Variants in MRTFB observed in about 807,000 individuals in gnomAD.
MRTFB encodes myocardin-related transcription factor B.
In MRTFB, 29 loss-of-function variants were observed where a neutral mutation model predicts 104.2. The ratio of observed to expected loss-of-function variants is 0.28; its 90% confidence interval spans 0.21 to 0.38. The LOEUF (loss-of-function observed/expected upper bound fraction) is 0.38, where lower values mean the gene tolerates loss of function less well. MRTFB is among the 10% of genes least tolerant of loss of function. MRTFB has a pLI of 1.00. For missense variants in MRTFB, 1,270 were observed against 1,341.6 expected, an observed-to-expected ratio of 0.95 and a Z score of 0.83; for synonymous variants, 535 against 519.5, an observed-to-expected ratio of 1.03 and a Z score of -0.41.
intron 3 of MRTFB, among the ~76,000 whole-genome samples, chr16:14,157,019 A>T (rs1597103034): frequency 6.6e-6 from 1 of 152,226 alleles, no homozygotes; most frequent in Admixed American, 6.5e-5. Flanking sequence ...AATGAAATAT[A>T]TCAAATTATT....
intron 2 of MRTFB, among the ~76,000 whole-genome samples, chr16:14,129,140 G>A (rs1192742980): frequency 6.6e-6 from 1 of 152,216 alleles, no homozygotes; most frequent in African/African-American, 2.4e-5. Flanking sequence ...ATGTGCCATA[G>A]TTGTTTATTC....
intron 2 of MRTFB, among the ~76,000 whole-genome samples, chr16:14,105,485 A>G (rs1341358574): frequency 2.0e-5 from 3 of 151,606 alleles, no homozygotes; most frequent in African/African-American, 4.9e-5. Context: ...GCAGCCTTAA[A>G]CTCCTGTGCT....
At chr16:14,108,898 A>G (rs1035983924) in intron 2 of MRTFB, among the ~76,000 whole-genome samples, 8 of 152,214 alleles carry the variant, frequency 5.3e-5, no homozygotes, top group East Asian at 3.8e-4. Flanking sequence ...TTTTAAGGCC[A>G]GAAGTGTTAA....
chr16:14,000,066 T>A, the MRTFB span, among the ~76,000 whole-genome samples: 1 of 152,134 alleles, frequency 6.6e-6, no homozygotes, highest in Admixed American at 6.5e-5. Flanking sequence ...GGTGCCTGTT[T>A]CCAGGCTGCG....
At chr16:14,010,612 G>A in the MRTFB span, among the ~76,000 whole-genome samples, 1 of 151,744 alleles carries the variant, frequency 6.6e-6, no homozygotes, top group South Asian at 2.1e-4. Flanking sequence ...TTTTTATACA[G>A]ATGAGGTCTC....
chr16:14,239,390 C>A (rs1026954751), intron 9 of MRTFB, among the ~76,000 whole-genome samples: 4 of 152,200 alleles, frequency 2.6e-5, no homozygotes, highest in African/African-American at 7.2e-5. Context: ...TGTCCTAATT[C>A]TTTGGATATG....
intron 2 of MRTFB, among the ~76,000 whole-genome samples, chr16:14,114,976 A>C (rs2036466179): frequency 6.6e-6 from 1 of 152,196 alleles, no homozygotes; most frequent in Non-Finnish European, 1.5e-5. Flanking sequence ...TGAAAGGATG[A>C]ATGAATGAGA....
At chr16:14,018,411 C>T in the MRTFB span, among the ~76,000 whole-genome samples, 43 of 152,164 alleles carry the variant, frequency 2.8e-4, no homozygotes, top group African/African-American at 9.4e-4. Context: ...TCATCACCAA[C>T]CTCTTTATGA....
chr16:14,029,169 C>T, the MRTFB span, among the ~76,000 whole-genome samples: 14 of 151,570 alleles, frequency 9.2e-5, no homozygotes, highest in African/African-American at 1.2e-4. Context: ...GGTGTGGTGG[C>T]GCACACCTGT....
rs750881308 is a variant in MRTFB at position 14,243,864 on chromosome 16, G to GTTTGTTTTTTTGTTTTTTTT, written c.1080-1661_1080-1660insGTTTTTTTGTTTTTTTTTTT. On this transcript the variant is annotated intron_variant, in intron 10 of 16. Coordinates refer to ENST00000571589, the MANE Select transcript of MRTFB (RefSeq NM_001308142.2). Reference sequence around the variant, plus strand: ...CAGAGATTAGTTTTGCCTGTTTTGGGTTTTTTTTTTTTTGAGACAGAGTCT... The same window carrying GTTTGTTTTTTTGTTTTTTTT: ...CAGAGATTAGTTTTGCCTGTTTTGGGTTTGTTTTTTTGTTTTTTTTTTTTTTTTTTTTTGAGACAGAGTCT... 1.5e-4 allele frequency among the ~76,000 whole-genome samples: 19 copies of GTTTGTTTTTTTGTTTTTTTT among 124,648 alleles called. 3 individuals carry two copies. Among genetic ancestry groups the GTTTGTTTTTTTGTTTTTTTT allele is most frequent in the African/African-American group, 5.3e-4 (14 of 26,476 alleles). The allele number at this position is 124,648 out of a possible 152,430, so 81.8% of individuals were successfully genotyped here. A position where few individuals can be genotyped will look rare whatever the true frequency, so the allele number is the denominator to read the frequency against.
intron 10 of MRTFB, among the ~76,000 whole-genome samples, chr16:14,243,971 G>C (rs1250947967): frequency 6.6e-6 from 1 of 150,996 alleles, no homozygotes; most frequent in Non-Finnish European, 1.5e-5. Context: ...ACCACCTCCA[G>C]GGTTCACGCC....
chr16:14,256,194 C>CAAAAAA (rs750556838), intron 15 of MRTFB, among the ~76,000 whole-genome samples: 9,704 of 75,664 alleles, frequency 0.13, 481 homozygotes, highest in East Asian at 0.3. Context: ...AACAGGATAA[C>CAAAAAA]AAAAAAAAAA....
chr16:14,243,485 T>C (rs978254978), intron 10 of MRTFB, among the ~76,000 whole-genome samples: 2 of 152,190 alleles, frequency 1.3e-5, no homozygotes. Context: ...AGCCTGAAGC[T>C]GCAATGGAAT....
At chr16:14,250,522 T>A (rs2043209801) in intron 13 of MRTFB, among the ~76,000 whole-genome samples, 1 of 152,212 alleles carries the variant, frequency 6.6e-6, no homozygotes, top group South Asian at 2.1e-4. Context: ...GGGACCAGTT[T>A]TACATGGGGC....
chr16:14,130,795 A>G (rs1416315778), intron 2 of MRTFB, among the ~76,000 whole-genome samples: 1 of 141,268 alleles, frequency 7.1e-6, no homozygotes, highest in African/African-American at 3.1e-5. Context: ...AACTTATACA[A>G]TCATGGCGGA....
chr16:14,010,433 C>T, the MRTFB span, among the ~76,000 whole-genome samples: 2 of 152,098 alleles, frequency 1.3e-5, no homozygotes, highest in Admixed American at 6.6e-5. Context: ...CTCAGCTTCC[C>T]GAGTAGCTGG....
chr16:14,046,931 C>A, the MRTFB span, among the ~76,000 whole-genome samples: 7 of 152,164 alleles, frequency 4.6e-5, no homozygotes, highest in Admixed American at 2.6e-4. Flanking sequence ...TACAATCTGT[C>A]AAGGTGTTGT....
At chr16:14,126,050 A>G (rs1170285483) in intron 2 of MRTFB, among the ~76,000 whole-genome samples, 2 of 152,234 alleles carry the variant, frequency 1.3e-5, no homozygotes, top group Non-Finnish European at 1.5e-5. Flanking sequence ...AGGAATAAAA[A>G]GTACATGGAG....
chr16:14,198,531 T>TC (rs1268373158), intron 3 of MRTFB, among the ~76,000 whole-genome samples: 2 of 152,234 alleles, frequency 1.3e-5, no homozygotes, highest in Non-Finnish European at 2.9e-5. Flanking sequence ...CTGATTTCTC[T>TC]CCCCCTGGCT....
Sources: allele counts gnomAD v4.1 joint callset (sites outside exome capture counted in the v4.1 genomes callset), GRCh38; gene constraint gnomAD v4.1.1; transcripts MANE v1.5; gene names NCBI Gene and HGNC (gene_info 2026-07-23, HGNC 2026-07-21).